Variants in KCNH5 observed in about 807,000 individuals in gnomAD.
The protein encoded by KCNH5 is potassium voltage-gated channel subfamily H member 5.
In KCNH5, 46 loss-of-function variants were observed where a neutral mutation model predicts 96.1. The observed-to-expected ratio is 0.48, with a 90% CI of 0.38 to 0.61. The LOEUF (loss-of-function observed/expected upper bound fraction) is 0.61. Among genes scored for constraint, KCNH5 ranks in the 20% least tolerant of loss-of-function variants. The pLI is 0.00. For synonymous variants in KCNH5, 439 were observed against 449.8 expected (o/e 0.98, Z 0.30); for missense variants, 907 against 1,225.8 (o/e 0.74, Z 3.88).
At chr14:62,864,062 G>C (rs1255995815) in intron 7 of KCNH5, among the ~76,000 whole-genome samples, 8 of 152,164 alleles carry the variant, frequency 5.3e-5, no homozygotes, top group Non-Finnish European at 8.8e-5. Flanking sequence ...AATACCATCT[G>C]TACATGACCA....
At position 62,705,948 on chromosome 14, in the gene KCNH5, C is replaced by A. The variant is rs572316875; in HGVS notation, c.*1560G>T. On this transcript the variant is annotated 3_prime_UTR_variant, in exon 11 of 11. Coordinates refer to ENST00000322893, the MANE Select transcript of KCNH5 (RefSeq NM_139318.5). ...TTTCAACTTCATGCAAACACTAACT[C>A]CCCTGCTCCCCATATTAAATGCTGT... is the stretch of plus-strand genomic sequence containing the variant. The A allele has an allele frequency of 5.3e-5, 8 of 152,134 alleles. No homozygotes were observed. In the South Asian group the frequency reaches 1.7e-3, roughly 32 times the overall value. The allele number at this position is 152,134 out of a possible 1,614,324, so 9.4% of individuals were successfully genotyped here. A position where few individuals can be genotyped will look rare whatever the true frequency, so the allele number is the denominator to read the frequency against.
intron 1 of KCNH5, among the ~76,000 whole-genome samples, chr14:63,038,286 C>A (rs1594687758): frequency 6.6e-6 from 1 of 152,184 alleles, no homozygotes; most frequent in Non-Finnish European, 1.5e-5. Context: ...GTGCTCTGCA[C>A]AGTGGAGGAC....
intron 7 of KCNH5, among the ~76,000 whole-genome samples, chr14:62,907,753 G>A (rs758415283): frequency 6.6e-6 from 1 of 152,190 alleles, no homozygotes; most frequent in African/African-American, 2.4e-5. Context: ...ACAGGAAGCC[G>A]TTCTCAAGCT....
intron 9 of KCNH5, among the ~76,000 whole-genome samples, chr14:62,790,284 T>C (rs1595623474): frequency 6.6e-6 from 1 of 152,018 alleles, no homozygotes; most frequent in East Asian, 1.9e-4. Context: ...GCCAGTACCA[T>C]ACCGTTTTAA....
intron 9 of KCNH5, among the ~76,000 whole-genome samples, chr14:62,786,850 C>T (rs1886330575): frequency 6.6e-6 from 1 of 152,118 alleles, no homozygotes; most frequent in Non-Finnish European, 1.5e-5. Flanking sequence ...AAACCACACC[C>T]ATATAAGATG....
At chr14:62,813,122 G>A (rs998613193) in intron 8 of KCNH5, among the ~76,000 whole-genome samples, 1 of 152,194 alleles carries the variant, frequency 6.6e-6, no homozygotes, top group Non-Finnish European at 1.5e-5. Flanking sequence ...TAAGGCTGTT[G>A]CCAAACTGCA....
chr14:62,895,261 C>T (rs990735762), intron 7 of KCNH5, among the ~76,000 whole-genome samples: 2 of 151,850 alleles, frequency 1.3e-5, no homozygotes, highest in Non-Finnish European at 2.9e-5. Context: ...TAGTACCCCA[C>T]AAATTTAACC....
chr14:62,828,461 T>C lies in KCNH5; in HGVS notation c.1569+21192A>G, dbSNP rs10133680. 8.1e-3 allele frequency among the ~76,000 whole-genome samples: 1,239 copies of C among 152,270 alleles called. 14 individuals are homozygous for C. The highest frequency in any genetic ancestry group is 0.025 in the African/African-American group (1,052 of 41,546). On this transcript the variant is annotated intron_variant, in intron 8 of 10. Transcript: ENST00000322893. ...GGTTTAATTGATTCACAGTTGCACA[T>C]GACTGGGAAGGCTTAAGGAAACTTG...
Position 62,708,351 on chromosome 14 carries a change from C to G in KCNH5, c.2124G>C (p.Lys708Asn). The change falls in exon 11 of 11, where the codon AAG (lysine) becomes AAC (asparagine). Residue 708 changes from lysine to asparagine, a missense_variant. Coordinates refer to ENST00000322893, the MANE Select transcript of KCNH5 (RefSeq NM_139318.5). Reference protein sequence around the residue: ...LSIPVDHPVRKLFQKFKQQKE... With the variant: ...LSIPVDHPVRNLFQKFKQQKE... The stretch of plus-strand genomic sequence containing the variant: ...TCTGCTGCTTGAACTTCTGGAAGAG[C>G]TTTCTGACTGGGTGGTCCACGGGAA... The G allele has an allele frequency of 6.2e-7, 1 of 1,614,094 alleles. No individual in the cohort carries two copies. The highest frequency in any genetic ancestry group is 8.5e-7 in the Non-Finnish European group (1 of 1,180,042).
rs571047473 is a variant in KCNH5 at position 62,968,045 on chromosome 14, G to T, written c.942+12827C>A. On this transcript the variant is annotated intron_variant, in intron 6 of 10. Transcript: ENST00000322893. ...GTTAGACAGACTGCTTTGTCTCATT[G>T]GAAATTCATGCAAAAGAATGTTCCT... 3.4e-4 allele frequency among the ~76,000 whole-genome samples: 51 copies of T among 152,210 alleles called. 1 individual carries two copies. In the South Asian group the frequency reaches 4.0e-3, roughly 12 times the overall value.
At chr14:62,981,612 G>A (rs369543521) in intron 5 of KCNH5, among the ~76,000 whole-genome samples, 3 of 152,326 alleles carry the variant, frequency 2.0e-5, no homozygotes, top group Admixed American at 2.0e-4. Context: ...ATTTGGGTGA[G>A]ACACCATTAT....
rs1163899921 is a variant in KCNH5 at position 62,949,997 on chromosome 14, TA to T, written c.1369+135del. 36 of 697,290 alleles carry T rather than the reference TA, an allele frequency of 5.2e-5. No homozygotes were observed. The Admixed American group carries it at 6.6e-4, about 13-fold the overall frequency. 43.2% of individuals were successfully genotyped at this position (697,290 alleles called of 1,614,324 possible). A position where few individuals can be genotyped will look rare whatever the true frequency, so the allele number is the denominator to read the frequency against. ...TGCATTTCTATTTTCTAAGGTAGAT[TA>T]AAAAAAACAATTGCAAATAAGATGG... On this transcript the variant is annotated intron_variant, in intron 7 of 10. Coordinates refer to ENST00000322893, the MANE Select transcript of KCNH5 (RefSeq NM_139318.5).
In KCNH5 at chr14:62,994,000, C is replaced by G. The variant is rs117738543; in HGVS notation, c.434-6813G>C. ...CCTTCTTAATAAAATATTAGTTTAG[C>G]TCTATTGGGTTGCAATTAACCTCTT... is the stretch of plus-strand genomic sequence containing the variant. On this transcript the variant is annotated intron_variant, in intron 4 of 10. Transcript: ENST00000322893. Among the ~76,000 whole-genome samples, 29 of 152,118 alleles carry G rather than the reference C, an allele frequency of 1.9e-4. No individual in the cohort carries two copies. In the East Asian group the frequency reaches 5.6e-3, roughly 29 times the overall value.
chr14:62,818,833 G>A (rs181017868), intron 8 of KCNH5, among the ~76,000 whole-genome samples: 28 of 152,126 alleles, frequency 1.8e-4, no homozygotes, highest in Admixed American at 5.9e-4. Flanking sequence ...TATACACACC[G>A]TATGATTCCA....
At chr14:62,979,385 TTACA>T (rs1432754058) in intron 6 of KCNH5, among the ~76,000 whole-genome samples, 3 of 152,048 alleles carry the variant, frequency 2.0e-5, no homozygotes, top group African/African-American at 4.8e-5. Context: ...AAAGTAATAA[TTACA>T]TACACAATAT....
At chr14:62,964,685 T>G (rs1296575142) in intron 6 of KCNH5, among the ~76,000 whole-genome samples, 1 of 152,144 alleles carries the variant, frequency 6.6e-6, no homozygotes. Context: ...TCCCAGCCTC[T>G]TGCCAATTTT....
At position 63,045,256 on chromosome 14, in the gene KCNH5, G is replaced by C. The variant is rs940344947; in HGVS notation, c.-70C>G. The C allele has an allele frequency of 8.3e-7, 1 of 1,201,538 alleles. No individual in the cohort carries two copies. Among genetic ancestry groups the C allele is most frequent in the East Asian group, 2.3e-5 (1 of 43,036 alleles). 74.4% of individuals were successfully genotyped at this position (1,201,538 alleles called of 1,614,324 possible). A position where few individuals can be genotyped will look rare whatever the true frequency, so the allele number is the denominator to read the frequency against. Reference sequence around the variant, plus strand: ...GGGGATGCAGGCAAAGAAGGTGGAGGAAGAGGAGGAAAAGGTGGAAGAGAA... The same window carrying C: ...GGGGATGCAGGCAAAGAAGGTGGAGCAAGAGGAGGAAAAGGTGGAAGAGAA... On this transcript the variant is annotated 5_prime_UTR_variant, in exon 1 of 11. Transcript: ENST00000322893.
chr14:62,853,339 C>G (rs1887845762), intron 7 of KCNH5, among the ~76,000 whole-genome samples: 1 of 151,202 alleles, frequency 6.6e-6, no homozygotes, highest in Non-Finnish European at 1.5e-5. Flanking sequence ...AAGGGTTGCG[C>G]TAAATGAGAT....
At chr14:62,917,070 C>T (rs1418562949) in intron 7 of KCNH5, among the ~76,000 whole-genome samples, 3 of 152,286 alleles carry the variant, frequency 2.0e-5, no homozygotes, top group African/African-American at 7.2e-5. Flanking sequence ...AACATAAAAA[C>T]TGCAACTTAC....
Sources: allele counts gnomAD v4.1 joint callset (sites outside exome capture counted in the v4.1 genomes callset), GRCh38; gene constraint gnomAD v4.1.1; transcripts MANE v1.5; gene names NCBI Gene and HGNC (gene_info 2026-07-23, HGNC 2026-07-21).